Variants in CHD6 observed in about 807,000 individuals in gnomAD.
The protein encoded by CHD6 is chromodomain helicase DNA binding protein 6, also known as ATP-dependent chromatin remodeler CHD6.
In CHD6, 50 loss-of-function variants were observed where a neutral mutation model predicts 276.9. The observed-to-expected ratio is 0.18, with a 90% CI of 0.14 to 0.23. The LOEUF (loss-of-function observed/expected upper bound fraction) is 0.23, where lower values mean the gene tolerates loss of function less well. Among genes scored for constraint, CHD6 ranks in the 10% least tolerant of loss-of-function variants. CHD6 has a pLI of 1.00. For synonymous variants in CHD6, 1,173 were observed against 1,229.3 expected, an observed-to-expected ratio of 0.95 and a Z score of 0.96; for missense variants, 2,564 against 3,365.8, an observed-to-expected ratio of 0.76 and a Z score of 5.89.
intron 6 of CHD6, among the ~76,000 whole-genome samples, chr20:41,498,799 A>ATG (rs1395507136): frequency 2.1e-5 from 2 of 94,774 alleles, no homozygotes; most frequent in African/African-American, 9.2e-5. Context: ...GTATGTATGT[A>ATG]TGTATGTATG....
intron 12 of CHD6, among the ~76,000 whole-genome samples, chr20:41,488,892 CATGAT>C (rs2043482776): frequency 6.6e-6 from 1 of 152,192 alleles, no homozygotes. Context: ...TATTAGCTGT[CATGAT>C]AAGGAAATCA....
rs375877889 is a variant in CHD6, at chr20:41,412,299, G to A, written c.7132-36C>T. On this transcript the variant is annotated intron_variant, in intron 35 of 36. Coordinates refer to ENST00000373233, the MANE Select transcript of CHD6 (RefSeq NM_032221.5). ...AACGGAGACCAATATTACAAAACAT[G>A]CTATCCCAGATTCTTCTGATGAGGC... is the stretch of plus-strand genomic sequence containing the variant. 4.5e-5 allele frequency: 72 copies of A among 1,611,358 alleles called. No individual in the cohort carries two copies. In the African/African-American group the frequency reaches 8.9e-4, roughly 20 times the overall value.
chr20:41,463,528 A>G (rs1245602675), intron 17 of CHD6, among the ~76,000 whole-genome samples: 1 of 152,216 alleles, frequency 6.6e-6, no homozygotes, highest in Non-Finnish European at 1.5e-5. Context: ...GATGTGATAT[A>G]TTGAGATGGC....
intron 27 of CHD6, among the ~76,000 whole-genome samples, chr20:41,435,349 T>A (rs1161168145): frequency 6.6e-6 from 1 of 152,094 alleles, no homozygotes. Context: ...TAATTCCAGC[T>A]CTTTGGGAGG....
At chr20:41,439,944 G>C (rs2047848023) in intron 26 of CHD6, 56 bp downstream of exon 26, 1 of 1,590,264 alleles carries the variant, frequency 6.3e-7, no homozygotes. Context: ...TGAGGAAGGG[G>C]TCACAGATCA....
At chr20:41,576,412 G>A (rs188833352) in intron 1 of CHD6, among the ~76,000 whole-genome samples, 42 of 152,306 alleles carry the variant, frequency 2.8e-4, no homozygotes, top group Admixed American at 1.1e-3. Context: ...CAGGCCAGGC[G>A]TGGTGGCTCA....
chr20:41,464,974 A>G (rs957392924), intron 17 of CHD6, among the ~76,000 whole-genome samples: 3 of 152,254 alleles, frequency 2.0e-5, no homozygotes, highest in Non-Finnish European at 4.4e-5. Flanking sequence ...GGATTATAAA[A>G]TAAAACAAAA....
rs915241734 is a variant in CHD6 at position 41,491,584 on chromosome 20, T to C, written c.1436+114A>G. ...AATGTGCAAAGACTACCACCCTAAA[T>C]TGATGGCCATGCTGCTCCCTCTCAC... On this transcript the variant is annotated intron_variant, in intron 11 of 36. Transcript: ENST00000373233. 269 of 1,166,390 alleles carry C rather than the reference T, an allele frequency of 2.3e-4. 1 individual carries two copies. The highest frequency in any genetic ancestry group is 4.8e-5 in the Non-Finnish European group (38 of 799,220). 72.3% of individuals were successfully genotyped at this position (1,166,390 alleles called of 1,614,324 possible).
At position 41,512,878 on chromosome 20, in the gene CHD6, G is replaced by A. The variant is rs547341937; in HGVS notation, c.820C>T (p.Leu274Phe). The A allele has an allele frequency of 6.2e-6, 10 of 1,614,094 alleles. No individual in the cohort carries two copies. In the South Asian group the frequency reaches 1.1e-4, roughly 18 times the overall value. ...AVLGAGRTSA[L>F]SASTLAWQAE... ...TGCCAGGCCAGTGTAGAGGCTGAGA[G>A]TGCAGATGTTCGACCAGCTCCAAGA... The change falls in exon 5 of 37, where the codon CTC becomes TTC. Residue 274 changes from leucine to phenylalanine, a missense_variant. Transcript: ENST00000373233.
chr20:41,525,138 G>A (rs967723286), intron 3 of CHD6, among the ~76,000 whole-genome samples: 3 of 152,114 alleles, frequency 2.0e-5, no homozygotes, highest in African/African-American at 7.2e-5. Flanking sequence ...CTAGGACACC[G>A]TACACATGGC....
At chr20:41,512,091 C>T (rs2044132205) in intron 5 of CHD6, among the ~76,000 whole-genome samples, 1 of 152,136 alleles carries the variant, frequency 6.6e-6, no homozygotes, top group South Asian at 2.1e-4. Flanking sequence ...CCTCAATCTC[C>T]CAAGTAGCTG....
chr20:41,610,654 C>T (rs2045877437), intron 1 of CHD6, among the ~76,000 whole-genome samples: 1 of 151,920 alleles, frequency 6.6e-6, no homozygotes, highest in South Asian at 2.1e-4. Flanking sequence ...CCAGCTACTC[C>T]GGAGGCTGAG....
intron 25 of CHD6, among the ~76,000 whole-genome samples, chr20:41,444,464 C>T (rs867799620): frequency 6.6e-5 from 10 of 152,154 alleles, no homozygotes; most frequent in East Asian, 1.9e-4. Flanking sequence ...CGGACAGCAC[C>T]GCTTTAGCCT....
Position 41,612,734 on chromosome 20 carries a change from A to G in CHD6, c.-24+5606T>C, listed in dbSNP as rs557440109. On this transcript the variant is annotated intron_variant, in intron 1 of 36. Coordinates refer to ENST00000373233, the MANE Select transcript of CHD6 (RefSeq NM_032221.5). ...TTTTTCTTGGACCCAAAGTAGATAG[A>G]GTCCAGATATATTTCTTTACTCATA... 5.3e-5 allele frequency among the ~76,000 whole-genome samples: 8 copies of G among 152,380 alleles called. No homozygotes were observed. In the East Asian group the frequency reaches 1.3e-3, roughly 26 times the overall value.
chr20:41,538,627 T>A (rs1430911247), intron 2 of CHD6, among the ~76,000 whole-genome samples: 1 of 152,248 alleles, frequency 6.6e-6, no homozygotes, highest in East Asian at 1.9e-4. Flanking sequence ...GTGGATTTTA[T>A]AGTATGTAAA....
At chr20:41,503,115 G>A (rs907478073) in intron 5 of CHD6, among the ~76,000 whole-genome samples, 2 of 152,136 alleles carry the variant, frequency 1.3e-5, no homozygotes, top group Non-Finnish European at 2.9e-5. Flanking sequence ...GACGGCTTGT[G>A]TATTTTTTGA....
At chr20:41,487,044 T>C (rs987214596) in intron 14 of CHD6, among the ~76,000 whole-genome samples, 21 of 152,240 alleles carry the variant, frequency 1.4e-4, no homozygotes, top group African/African-American at 4.6e-4. Flanking sequence ...TTTGTCTGGG[T>C]TATTTCTATA....
intron 2 of CHD6, among the ~76,000 whole-genome samples, chr20:41,537,727 C>T (rs776754829): frequency 4.6e-5 from 7 of 152,046 alleles, no homozygotes; most frequent in South Asian, 2.1e-4. Flanking sequence ...AAAGACAAGA[C>T]AACAATAATT....
rs16985927 is a variant in CHD6, at chr20:41,608,312, G to A, written c.-24+10028C>T. On this transcript the variant is annotated intron_variant, in intron 1 of 36. Transcript: ENST00000373233. ...AATAGTACAACAAGCATTTTACCGC[G>A]ATATGAGAGAGGGATGTGCCAAAAC... is the stretch of plus-strand genomic sequence containing the variant. 1.1e-4 allele frequency among the ~76,000 whole-genome samples: 16 copies of A among 152,252 alleles called. 1 individual carries two copies. In the East Asian group the frequency reaches 1.7e-3, roughly 17 times the overall value.
Sources: gnomAD v4.1 joint callset for allele counts (sites outside exome capture counted in the v4.1 genomes callset) on GRCh38, gnomAD v4.1.1 for gene constraint, MANE v1.5 for transcripts, NCBI Gene and HGNC (gene_info 2026-07-23, HGNC 2026-07-21) for gene names.